Variants in DIPK1C observed in about 807,000 individuals in gnomAD.
The protein encoded by DIPK1C is familial non-conventional Alzheimer's dementia.
DIPK1C carries 33 observed loss-of-function variants against 28.0 expected under a neutral mutation model. The observed-to-expected ratio is 1.18, with a 90% CI of 0.89 to 1.58. The LOEUF is 1.58. Among genes scored for constraint, DIPK1C ranks in the 40% most tolerant of loss-of-function variants. DIPK1C has a pLI of 0.00. For synonymous variants in DIPK1C, 255 were observed against 248.8 expected (o/e 1.02, Z -0.23); for missense variants, 569 against 568.5 (o/e 1.00, Z -0.01).
the DIPK1C span, among the ~76,000 whole-genome samples, chr18:74,464,324 G>T: frequency 2.0e-5 from 3 of 152,128 alleles, no homozygotes; most frequent in Non-Finnish European, 2.9e-5. Flanking sequence ...GAAAATCCTT[G>T]GTTCCACCTC....
intron 3 of DIPK1C, among the ~76,000 whole-genome samples, chr18:74,440,990 GTGTT>G (rs1016340604): frequency 6.6e-6 from 1 of 151,928 alleles, no homozygotes; most frequent in African/African-American, 2.4e-5. Flanking sequence ...CAGAGTCGGG[GTGTT>G]TGTTTGGCCT....
rs142998403 is a variant in DIPK1C, at chr18:74,447,164, G to T, written c.318C>A (p.Ala106=). ...GGACCACGGGCCGGCCGCGCCAGTC[G>T]GCCTGCAGCACCTTCTTGCCTCTGT... ...HYNRGKKVLQ[A]DWRGRPVVLK... is the part of the protein sequence containing the mutation. Residue 106 remains alanine (A), a synonymous_variant, in exon 2 of 4, where the codon GCC becomes GCA. Coordinates refer to ENST00000343998, the MANE Select transcript of DIPK1C (RefSeq NM_001044369.3). This position sits in a 1 kb window ranked among gnomAD's most constrained non-coding sequence, Gnocchi z 4.1. The T allele has an allele frequency of 1.9e-6, 3 of 1,550,422 alleles. No homozygotes were observed. Among genetic ancestry groups the T allele is most frequent in the African/African-American group, 2.7e-5 (2 of 73,060 alleles).
In DIPK1C at chr18:74,442,056, G is replaced by C; in HGVS notation, c.937C>G (p.Gln313Glu). 6.2e-7 allele frequency: 1 copy of C among 1,614,094 alleles called. No individual in the cohort carries two copies. Among genetic ancestry groups the C allele is most frequent in the Non-Finnish European group, 8.5e-7 (1 of 1,180,024 alleles). ...FEPKMREILEQNCTGDEDCNF... is the reference protein window; with the variant it reads ...FEPKMREILEENCTGDEDCNF... ...CAGTCTTCATCTCCTGTGCAGTTTT[G>C]CTCAAGGATTTCCCTCATTTTAGGT... Residue 313 changes from glutamine (Q) to glutamate (E), a missense_variant, in exon 3 of 4, where the codon CAA becomes GAA. By Grantham distance (29) the Gln-to-Glu change is conservative. Transcript: ENST00000343998.
chr18:74,438,326 T>G lies in DIPK1C; in HGVS notation c.1042-1607A>C, dbSNP rs867109970. Reference sequence around the variant, plus strand: ...AGGTTGCATAATAACTTTTGCATTATGAATAATACTGCAATAAATGTCTTG... The same window carrying G: ...AGGTTGCATAATAACTTTTGCATTAGGAATAATACTGCAATAAATGTCTTG... On this transcript the variant is annotated intron_variant, in intron 3 of 3. Transcript: ENST00000343998. Among the ~76,000 whole-genome samples, 2 of 152,254 alleles carry G rather than the reference T, an allele frequency of 1.3e-5. 1 individual carries two copies. The highest frequency in any genetic ancestry group is 1.3e-4 in the Admixed American group (2 of 15,286).
chr18:74,456,952 C>T (rs1389826675), intron 1 of DIPK1C, 110 bp downstream of exon 1: 11 of 1,159,484 alleles, frequency 9.5e-6, no homozygotes, highest in Non-Finnish European at 1.1e-5. Context: ...ACCCATGTCC[C>T]CGGCGGGTGC....
chr18:74,441,843 T>C (rs965674643), intron 3 of DIPK1C, 109 bp downstream of exon 3: 34 of 1,189,672 alleles, frequency 2.9e-5, no homozygotes, highest in Admixed American at 4.5e-5. Context: ...TCCAGATGGA[T>C]GGCCTGAAAA....
chr18:74,435,600 A>G lies in DIPK1C; in HGVS notation c.*901T>C, dbSNP rs1024339101. On this transcript the variant is annotated 3_prime_UTR_variant, in exon 4 of 4. Transcript: ENST00000343998. ...CAAGCCAACCTACAAGTCCCTGCCC[A>G]GGGGAAGGTGTATTGCAATACGAGG... 2.0e-5 allele frequency: 3 copies of G among 152,212 alleles called. No individual in the cohort carries two copies. Among genetic ancestry groups the G allele is most frequent in the South Asian group, 2.1e-4 (1 of 4,826 alleles). 9.4% of individuals were successfully genotyped at this position (152,212 alleles called of 1,614,324 possible).
chr18:74,457,469 G>A (rs892368365), upstream of DIPK1C, among the ~76,000 whole-genome samples: 4 of 152,004 alleles, frequency 2.6e-5, no homozygotes, highest in African/African-American at 9.7e-5. Context: ...CACCCACTGG[G>A]GGTCCACTCG....
chr18:74,439,511 G>T (rs1233946154), intron 3 of DIPK1C, among the ~76,000 whole-genome samples: 1 of 152,130 alleles, frequency 6.6e-6, no homozygotes, highest in South Asian at 2.1e-4. Context: ...GGGGTAATTT[G>T]GGTTCAAAAT....
chr18:74,447,254 G>A lies in DIPK1C; in HGVS notation c.228C>T (p.Ala76=), dbSNP rs1156374401. 30 of 1,543,914 alleles carry A rather than the reference G, an allele frequency of 1.9e-5. No homozygotes were observed. Among genetic ancestry groups the A allele is most frequent in the Admixed American group, 4.0e-5 (2 of 50,596 alleles). Residue 76 remains alanine, a synonymous_variant, in exon 2 of 4, where the codon GCC becomes GCT. Transcript: ENST00000343998. This position sits in a 1 kb window ranked among gnomAD's most constrained non-coding sequence, Gnocchi z 4.1. ...CACACAGGTCCTCGCAGAGGTCCCC[G>A]GCCAGCGTGCCGCCCTGGTAGTCCT... ...LCQDYQGGTL[A]GDLCEDLCVA...
chr18:74,460,027 A>G (rs371042876), upstream of DIPK1C, among the ~76,000 whole-genome samples: 2 of 152,174 alleles, frequency 1.3e-5, no homozygotes, highest in African/African-American at 4.8e-5. Flanking sequence ...CTTTTTCTGA[A>G]CAGTTGGGAA....
chr18:74,440,006 G>A (rs545852097), intron 3 of DIPK1C, among the ~76,000 whole-genome samples: 1 of 147,740 alleles, frequency 6.8e-6, no homozygotes, highest in South Asian at 2.1e-4. Flanking sequence ...GTGCAGTGAT[G>A]CAATCTCGGC....
At chr18:74,450,789 C>T (rs1198632870) in intron 1 of DIPK1C, among the ~76,000 whole-genome samples, 1 of 152,242 alleles carries the variant, frequency 6.6e-6, no homozygotes, top group African/African-American at 2.4e-5. Context: ...CCGGAGTTCA[C>T]GGAGCAGAGG....
intron 3 of DIPK1C, among the ~76,000 whole-genome samples, chr18:74,441,742 C>T (rs971784433): frequency 2.0e-5 from 3 of 152,132 alleles, no homozygotes; most frequent in African/African-American, 4.8e-5. Context: ...TCATCAGATG[C>T]CCCTGGTCGC....
intron 3 of DIPK1C, among the ~76,000 whole-genome samples, chr18:74,441,750 C>T (rs755139089): frequency 3.9e-5 from 6 of 152,160 alleles, no homozygotes; most frequent in African/African-American, 9.7e-5. Flanking sequence ...TGCCCCTGGT[C>T]GCCTGACCAA....
upstream of DIPK1C, chr18:74,457,363 G>C: frequency 1.2e-6 from 1 of 862,290 alleles, no homozygotes; most frequent in Non-Finnish European, 1.4e-6. Flanking sequence ...GAGGGGGAAC[G>C]GGGGAGGGGC....
chr18:74,453,021 T>C (rs1157712018), intron 1 of DIPK1C, among the ~76,000 whole-genome samples: 1 of 152,256 alleles, frequency 6.6e-6, no homozygotes, highest in South Asian at 2.1e-4. Context: ...AGTGTGCTTT[T>C]AAAATTTAAT....
upstream of DIPK1C, among the ~76,000 whole-genome samples, chr18:74,462,718 G>T (rs116236538): frequency 6.7e-6 from 1 of 150,170 alleles, no homozygotes; most frequent in South Asian, 2.1e-4. Context: ...TGCACCATTT[G>T]ACATTCCTAT....
chr18:74,437,172 A>T (rs561254675), intron 3 of DIPK1C, among the ~76,000 whole-genome samples: 3 of 152,334 alleles, frequency 2.0e-5, no homozygotes, highest in Non-Finnish European at 4.4e-5. Flanking sequence ...CCTAGTGACA[A>T]CAATGACCAT....
Sources: gnomAD v4.1 joint callset for allele counts (sites outside exome capture counted in the v4.1 genomes callset) on GRCh38, gnomAD v4.1.1 for gene constraint, Gnocchi (gnomAD v3.1) non-coding constraint, MANE v1.5 for transcripts, NCBI Gene and HGNC (gene_info 2026-07-23, HGNC 2026-07-21) for gene names.